Variants in MGAT4C observed in about 807,000 individuals in gnomAD.
MGAT4C encodes the protein MGAT4 family member C, also known as alpha-1,3-mannosyl-glycoprotein 4-beta-N-acetylglucosaminyltransferase C.
In MGAT4C, 19 loss-of-function variants were observed where a neutral mutation model predicts 40.1. That is an observed-to-expected ratio of 0.47 (90% CI 0.33 to 0.70). The LOEUF is 0.70. Among genes scored for constraint, MGAT4C ranks in the 30% least tolerant of loss-of-function variants. The pLI is 0.02. For missense variants in MGAT4C, 491 were observed against 563.2 expected (o/e 0.87, Z 1.30); for synonymous variants, 181 against 187.1 (o/e 0.97, Z 0.27).
intron 2 of MGAT4C, among the ~76,000 whole-genome samples, chr12:86,594,796 T>C (rs1232022248): frequency 6.6e-6 from 1 of 152,142 alleles, no homozygotes; most frequent in African/African-American, 2.4e-5. Flanking sequence ...GACAACTAAA[T>C]TGGTTACAAC....
intron 2 of MGAT4C, among the ~76,000 whole-genome samples, chr12:86,612,937 A>T (rs1162969739): frequency 6.6e-6 from 1 of 152,164 alleles, no homozygotes; most frequent in East Asian, 1.9e-4. Context: ...TGAAGTGTTC[A>T]TCAGAAGAAT....
intron 2 of MGAT4C, among the ~76,000 whole-genome samples, chr12:86,047,002 T>A (rs999364449): frequency 6.6e-6 from 1 of 152,202 alleles, no homozygotes; most frequent in African/African-American, 2.4e-5. Context: ...GGTTTATTCT[T>A]AGTGGTAGAG....
intron 1 of MGAT4C, among the ~76,000 whole-genome samples, chr12:86,253,994 G>GAGTA: frequency 6.6e-6 from 1 of 151,912 alleles, no homozygotes; most frequent in East Asian, 1.9e-4. Flanking sequence ...AACTTCAGAA[G>GAGTA]AGTTAATAAG....
chr12:86,391,702 C>CA (rs368941352), intron 3 of MGAT4C, among the ~76,000 whole-genome samples: 30 of 151,550 alleles, frequency 2.0e-4, no homozygotes, highest in African/African-American at 3.9e-4. Flanking sequence ...ACTAAAAATA[C>CA]AAAAAAAATT....
intron 4 of MGAT4C, among the ~76,000 whole-genome samples, chr12:86,296,701 G>T (rs980125836): frequency 6.6e-6 from 1 of 152,204 alleles, no homozygotes; most frequent in Non-Finnish European, 1.5e-5. Flanking sequence ...CTCCGAGTGC[G>T]GGGCCCGCCA....
At chr12:86,669,578 T>G (rs61569875) in intron 2 of MGAT4C, among the ~76,000 whole-genome samples, 1 of 152,226 alleles carries the variant, frequency 6.6e-6, no homozygotes, top group African/African-American at 2.4e-5. Flanking sequence ...TAAACACACC[T>G]CTGGGCACTT....
intron 2 of MGAT4C, among the ~76,000 whole-genome samples, chr12:86,684,534 T>G (rs531106347): frequency 1.3e-5 from 2 of 152,346 alleles, no homozygotes; most frequent in African/African-American, 4.8e-5. Flanking sequence ...TATAATCCCT[T>G]GGGTATATAC....
At position 86,585,746 on chromosome 12, in the gene MGAT4C, A is replaced by T. The variant is rs10858446; in HGVS notation, c.-229+141463T>A. Among the ~76,000 whole-genome samples, 60 of 113,930 alleles carry T rather than the reference A, an allele frequency of 5.3e-4. 1 individual carries two copies. The highest frequency in any genetic ancestry group is 8.4e-4 in the African/African-American group (28 of 33,142). 74.7% of individuals were successfully genotyped at this position (113,930 alleles called of 152,430 possible). Reference sequence around the variant, plus strand: ...TTTTATTTTTTTTAATTTTTTTTTTAATTTTTCTTTTTTTTTTTCATTCCC... The same window carrying T: ...TTTTATTTTTTTTAATTTTTTTTTTTATTTTTCTTTTTTTTTTTCATTCCC... On this transcript the variant is annotated intron_variant, in intron 2 of 7. Coordinates refer to the MGAT4C transcript ENST00000548651.
chr12:86,169,329 T>C (rs1886541850), intron 1 of MGAT4C, among the ~76,000 whole-genome samples: 1 of 152,150 alleles, frequency 6.6e-6, no homozygotes, highest in Non-Finnish European at 1.5e-5. Flanking sequence ...CTTACCTTTC[T>C]TCTTCTCCTA....
intron 1 of MGAT4C, among the ~76,000 whole-genome samples, chr12:86,084,067 A>G (rs1270785035): frequency 7.2e-5 from 11 of 152,038 alleles, no homozygotes; most frequent in Admixed American, 7.2e-4. Flanking sequence ...TTCAACAACT[A>G]TTTCTGAGCA....
chr12:86,198,962 G>A (rs1949929652), intron 1 of MGAT4C, among the ~76,000 whole-genome samples: 1 of 152,086 alleles, frequency 6.6e-6, no homozygotes, highest in African/African-American at 2.4e-5. Flanking sequence ...TAACATCACT[G>A]GGACTTTCAA....
At chr12:86,237,168 A>G (rs1951591072) in intron 1 of MGAT4C, among the ~76,000 whole-genome samples, 1 of 151,702 alleles carries the variant, frequency 6.6e-6, no homozygotes, top group Admixed American at 6.6e-5. Context: ...AAACACACAC[A>G]TACAAATGAA....
At chr12:86,508,474 T>C (rs1409827498) in intron 2 of MGAT4C, among the ~76,000 whole-genome samples, 14 of 152,124 alleles carry the variant, frequency 9.2e-5, no homozygotes, top group Admixed American at 5.2e-4. Flanking sequence ...GACATTTGGG[T>C]TGGTTCCAAG....
At chr12:86,215,248 G>A (rs1485775910) in intron 1 of MGAT4C, among the ~76,000 whole-genome samples, 2 of 151,978 alleles carry the variant, frequency 1.3e-5, no homozygotes, top group Non-Finnish European at 2.9e-5. Flanking sequence ...GTAAGTTTGT[G>A]TGACTTAATT....
intron 1 of MGAT4C, among the ~76,000 whole-genome samples, chr12:86,138,781 A>G (rs1311577250): frequency 6.6e-6 from 1 of 151,822 alleles, no homozygotes; most frequent in African/African-American, 2.4e-5. Context: ...CTGCTGGCTT[A>G]AGCGGGCATT....
chr12:86,493,026 G>T (rs1033935282), intron 2 of MGAT4C, among the ~76,000 whole-genome samples: 5 of 150,976 alleles, frequency 3.3e-5, no homozygotes, highest in Non-Finnish European at 7.4e-5. Flanking sequence ...CATTTATGCA[G>T]CCAAAAAACA....
chr12:86,548,775 A>G (rs894032221), intron 2 of MGAT4C, among the ~76,000 whole-genome samples: 4 of 152,144 alleles, frequency 2.6e-5, no homozygotes, highest in Non-Finnish European at 5.9e-5. Context: ...AATAAAAACT[A>G]CTCATACATA....
intron 3 of MGAT4C, among the ~76,000 whole-genome samples, chr12:86,434,640 A>G (rs983872819): frequency 1.3e-5 from 2 of 152,000 alleles, no homozygotes; most frequent in African/African-American, 4.8e-5. Context: ...TGAGAAAACC[A>G]TATTCAAATA....
chr12:86,295,767 T>C (rs11103915), intron 4 of MGAT4C, among the ~76,000 whole-genome samples: 100,913 of 151,764 alleles, frequency 0.66, 34,092 homozygotes, highest in South Asian at 0.78. Flanking sequence ...AGATACAGAG[T>C]TTCGACATAC....
Sources: allele counts gnomAD v4.1 joint callset (sites outside exome capture counted in the v4.1 genomes callset), GRCh38; gene constraint gnomAD v4.1.1; transcripts MANE v1.5; gene names NCBI Gene and HGNC (gene_info 2026-07-23, HGNC 2026-07-21).